TMPRSS9: variants seen among roughly 807,000 people sequenced by gnomAD.
TMPRSS9 encodes transmembrane serine protease 9.
Under a neutral mutation model 111.4 loss-of-function variants are expected in TMPRSS9, and 113 were observed. That is an observed-to-expected ratio of 1.01 (90% confidence interval 0.87 to 1.19). The LOEUF is 1.19. TMPRSS9 is among the 50% of genes most tolerant of loss of function. TMPRSS9 has a pLI of 0.00. For missense variants in TMPRSS9, 1,803 were observed against 1,513.1 expected, an observed-to-expected ratio of 1.19 and a Z score of -3.18; for synonymous variants, 805 against 659.1, an observed-to-expected ratio of 1.22 and a Z score of -3.39.
At chr19:2,363,058 G>T (rs1450536310) in intron 1 of TMPRSS9, among the ~76,000 whole-genome samples, 1 of 152,156 alleles carries the variant, frequency 6.6e-6, no homozygotes, top group Non-Finnish European at 1.5e-5. Flanking sequence ...GGGGTAATTG[G>T]GCCCTGCAGA....
chr19:2,364,762 G>T (rs551791596), intron 1 of TMPRSS9, among the ~76,000 whole-genome samples: 1 of 151,978 alleles, frequency 6.6e-6, no homozygotes, highest in South Asian at 2.1e-4. Context: ...GAGGCGGGCC[G>T]ATCATGAGGT....
chr19:2,425,020 G>A, exon 16 of TMPRSS9: 1 of 1,541,318 alleles, frequency 6.5e-7, no homozygotes, highest in Non-Finnish European at 8.7e-7. Flanking sequence ...ACCCCAAGCA[G>A]TGGGCGGCCT....
chr19:2,371,565 C>A (rs532459848), intron 1 of TMPRSS9, among the ~76,000 whole-genome samples: 4 of 152,022 alleles, frequency 2.6e-5, no homozygotes, highest in African/African-American at 9.7e-5. Flanking sequence ...GATGTGGTGA[C>A]GGGCACCTAT....
intron 1 of TMPRSS9, among the ~76,000 whole-genome samples, chr19:2,365,755 AG>A (rs1345813654): frequency 1.3e-5 from 2 of 152,070 alleles, no homozygotes; most frequent in Non-Finnish European, 1.5e-5. Context: ...ACTTGAGCAC[AG>A]GAAGTTGAGA....
chr19:2,404,010 G>GA (rs1003491195), intron 6 of TMPRSS9, among the ~76,000 whole-genome samples: 7 of 120,962 alleles, frequency 5.8e-5, no homozygotes, highest in East Asian at 2.2e-4. Flanking sequence ...AAAAAAAAAA[G>GA]AAAAAAAAAT....
intron 1 of TMPRSS9, 170 bp from the exon 3 acceptor site, chr19:2,396,369 C>T: frequency 2.8e-6 from 2 of 716,666 alleles, no homozygotes; most frequent in South Asian, 3.3e-5. Flanking sequence ...GAGGGAGAGC[C>T]CTGTGAGTAG....
chr19:2,394,907 T>A (rs1484364842), intron 1 of TMPRSS9, among the ~76,000 whole-genome samples: 1 of 152,220 alleles, frequency 6.6e-6, no homozygotes, highest in Non-Finnish European at 1.5e-5. Flanking sequence ...TGCTGCTGCT[T>A]GCATCAGCAT....
Position 2,402,121 on chromosome 19 carries a change from G to A in TMPRSS9, c.556+105G>A, listed in dbSNP as rs142045365. On this transcript the variant is annotated intron_variant, in intron 5 of 17. Transcript: ENST00000648592. ...GAATCCCTGGAACGAGGCTGGGCGC[G>A]GTGGCTCACATCTGTCGTCCCAGCA... is the stretch of plus-strand genomic sequence containing the variant. 2,039 of 1,146,816 alleles carry A rather than the reference G, an allele frequency of 1.8e-3. 37 individuals are homozygous for A. In the East Asian group the frequency reaches 0.037, roughly 21 times the overall value. 71.0% of individuals were successfully genotyped at this position (1,146,816 alleles called of 1,614,324 possible).
At chr19:2,399,118 G>C (rs762186345) in exon 4 of TMPRSS9, 1 of 1,613,674 alleles carries the variant, frequency 6.2e-7, no homozygotes. Flanking sequence ...ATTGCAGCGA[G>C]GGATCCGGGC....
chr19:2,374,380 C>A (rs1970314048), intron 1 of TMPRSS9, among the ~76,000 whole-genome samples: 1 of 149,574 alleles, frequency 6.7e-6, no homozygotes, highest in East Asian at 2.0e-4. Flanking sequence ...CGAGACCACC[C>A]TGACCAATAT....
At chr19:2,370,521 G>T (rs1229315095) in intron 1 of TMPRSS9, among the ~76,000 whole-genome samples, 2 of 152,040 alleles carry the variant, frequency 1.3e-5, no homozygotes, top group Non-Finnish European at 2.9e-5. Flanking sequence ...TGGAGATGGG[G>T]GTCTCGCTAT....
intron 1 of TMPRSS9, among the ~76,000 whole-genome samples, chr19:2,378,031 T>C (rs1970353544): frequency 6.6e-6 from 1 of 151,824 alleles, no homozygotes; most frequent in African/African-American, 2.4e-5. Context: ...TGCACCACCA[T>C]GAAAGGTCAA....
chr19:2,360,766 G>C (rs1018424057), intron 1 of TMPRSS9, among the ~76,000 whole-genome samples: 1 of 151,918 alleles, frequency 6.6e-6, no homozygotes, highest in Non-Finnish European at 1.5e-5. Flanking sequence ...GGGTTGTGTG[G>C]ACTCAGGTGT....
intron 7 of TMPRSS9, 116 bp downstream of exon 8, chr19:2,405,661 T>C: frequency 8.8e-7 from 1 of 1,140,954 alleles, no homozygotes; most frequent in Non-Finnish European, 1.2e-6. Flanking sequence ...AATTTTTTCT[T>C]TTCCTTTCTT....
At chr19:2,382,803 TCA>T (rs1458142599) in intron 1 of TMPRSS9, among the ~76,000 whole-genome samples, 17 of 151,860 alleles carry the variant, frequency 1.1e-4, no homozygotes. Context: ...GCACACAGAC[TCA>T]CACATGTACA....
intron 1 of TMPRSS9, among the ~76,000 whole-genome samples, chr19:2,393,256 C>G (rs1321054332): frequency 6.6e-6 from 1 of 152,132 alleles, no homozygotes; most frequent in African/African-American, 2.4e-5. Flanking sequence ...CTTTTATGAG[C>G]TGTAACACTC....
At position 2,401,957 on chromosome 19, in the gene TMPRSS9, TTC is replaced by T. The variant is rs772133502; in HGVS notation, c.515-14_515-13del. 99 of 1,607,742 alleles carry T rather than the reference TTC, an allele frequency of 6.2e-5. No individual in the cohort carries two copies. In the Middle Eastern group the frequency reaches 3.0e-3, roughly 48 times the overall value. On this transcript the variant is annotated splice_polypyrimidine_tract_variant and intron_variant, in intron 4 of 17. Coordinates refer to ENST00000648592, the Ensembl canonical transcript of TMPRSS9. ...ACCGCTTATTCAGTGAGCTTCTATCTTCTCTGTTTTGTTGCAGGGAGACATAA... is the reference window on the plus strand; with the variant it reads ...ACCGCTTATTCAGTGAGCTTCTATCTTCTGTTTTGTTGCAGGGAGACATAA...
At chr19:2,382,780 C>G (rs908361915) in intron 1 of TMPRSS9, among the ~76,000 whole-genome samples, 16 of 152,126 alleles carry the variant, frequency 1.1e-4, no homozygotes, top group African/African-American at 3.6e-4. Flanking sequence ...CACGCACACA[C>G]AGATGCACAC....
chr19:2,391,401 G>GTTTTTT, intron 1 of TMPRSS9, among the ~76,000 whole-genome samples: 1 of 129,036 alleles, frequency 7.7e-6, no homozygotes, highest in Non-Finnish European at 1.6e-5. Flanking sequence ...AAAAATATTT[G>GTTTTTT]TGGAACTTCT....
Sources: allele counts gnomAD v4.1 joint callset (sites outside exome capture counted in the v4.1 genomes callset), GRCh38; gene constraint gnomAD v4.1.1; transcripts MANE v1.5; gene names NCBI Gene and HGNC (gene_info 2026-07-23, HGNC 2026-07-21).